Variants in MYO1D observed in about 807,000 individuals in gnomAD.
The protein encoded by MYO1D is unconventional myosin-Id.
In MYO1D, 83 loss-of-function variants were observed where a neutral mutation model predicts 122.0. The observed-to-expected ratio is 0.68, with a 90% CI of 0.57 to 0.82. MYO1D has a LOEUF of 0.82. Ranked by LOEUF, MYO1D falls within the 40% of genes least tolerant of loss-of-function variation. The probability of loss-of-function intolerance (pLI) is 0.00; values close to 1 mark genes in which losing one functional copy is unlikely to be tolerated. For missense variants in MYO1D, 1,157 were observed against 1,269.5 expected (o/e 0.91, Z 1.35); for synonymous variants, 464 against 446.9 (o/e 1.04, Z -0.48).
Position 32,876,250 on chromosome 17 carries a change from G to A in MYO1D, c.95+528C>T, listed in dbSNP as rs776935201. Among the ~76,000 whole-genome samples the A allele has an allele frequency of 1.9e-3, 285 of 151,976 alleles. 2 individuals are homozygous for A. Among genetic ancestry groups the A allele is most frequent in the Non-Finnish European group, 1.7e-3 (114 of 68,002 alleles). ...GGGATCACTCCATAGCATCCTGAAT[G>A]ACAGGATGGAACTACGCCAGGAGGA... On this transcript the variant is annotated intron_variant, in intron 1 of 21. Transcript: ENST00000318217.
chr17:32,576,713 T>C (rs2087281791), intron 21 of MYO1D, among the ~76,000 whole-genome samples: 1 of 152,214 alleles, frequency 6.6e-6, no homozygotes, highest in Non-Finnish European at 1.5e-5. Context: ...TGAAGTGCAG[T>C]GGCATGATCA....
At chr17:32,730,665 T>C (rs1364747775) in intron 14 of MYO1D, among the ~76,000 whole-genome samples, 1 of 152,208 alleles carries the variant, frequency 6.6e-6, no homozygotes, top group Non-Finnish European at 1.5e-5. Flanking sequence ...CTGTCTTTTC[T>C]CTGGCTGCTT....
chr17:32,733,332 G>T (rs2089662080), intron 14 of MYO1D, among the ~76,000 whole-genome samples: 1 of 152,202 alleles, frequency 6.6e-6, no homozygotes, highest in Non-Finnish European at 1.5e-5. Context: ...TTTTTCAGAT[G>T]CCTGGGGCAA....
intron 1 of MYO1D, among the ~76,000 whole-genome samples, chr17:32,845,484 A>T (rs2090927973): frequency 6.6e-6 from 1 of 152,208 alleles, no homozygotes; most frequent in Admixed American, 6.5e-5. Context: ...AAGAGGTTTT[A>T]CAACTACAAT....
At chr17:32,654,805 G>A (rs752431083) in intron 17 of MYO1D, among the ~76,000 whole-genome samples, 184 bp from the exon 18 acceptor site, 8 of 152,038 alleles carry the variant, frequency 5.3e-5, no homozygotes, top group African/African-American at 4.8e-5. Flanking sequence ...AGCCTCCTGG[G>A]TAGCTGGGAT....
Position 32,828,408 on chromosome 17 carries a change from C to T in MYO1D, c.96-47624G>A, listed in dbSNP as rs575158773. Among the ~76,000 whole-genome samples the T allele has an allele frequency of 2.7e-5, 4 of 149,694 alleles. No homozygotes were observed. In the Admixed American group the frequency reaches 2.7e-4, roughly 10 times the overall value. On this transcript the variant is annotated intron_variant, in intron 1 of 21. Coordinates refer to ENST00000318217, the MANE Select transcript of MYO1D (RefSeq NM_015194.3). ...GCAGGTGCCTGTAATCCCAGCTACT[C>T]GGGAGGCTGAGGCAGGAGAATGGCG... is the stretch of plus-strand genomic sequence containing the variant.
chr17:32,795,444 C>CA (rs935122793), intron 1 of MYO1D, among the ~76,000 whole-genome samples: 1 of 151,060 alleles, frequency 6.6e-6, no homozygotes, highest in Non-Finnish European at 1.5e-5. Context: ...CTGAATTCAT[C>CA]ATACCAAGTT....
intron 1 of MYO1D, among the ~76,000 whole-genome samples, chr17:32,813,662 G>C (rs981417916): frequency 6.6e-6 from 1 of 152,218 alleles, no homozygotes; most frequent in Admixed American, 6.5e-5. Context: ...GAAAACTAGA[G>C]AAAAGAGAGG....
At chr17:32,555,470 A>G (rs1221316032) in intron 21 of MYO1D, among the ~76,000 whole-genome samples, 1 of 152,150 alleles carries the variant, frequency 6.6e-6, no homozygotes, top group East Asian at 1.9e-4. Flanking sequence ...GTACTTGTGT[A>G]TATTTTCTAA....
chr17:32,638,871 A>C, intron 19 of MYO1D, 36 bp from the exon 20 acceptor site: 514 of 1,385,990 alleles, frequency 3.7e-4, no homozygotes, highest in Non-Finnish European at 4.8e-4. Flanking sequence ...ATAGTATCTC[A>C]TCAATAAGGA....
intron 1 of MYO1D, among the ~76,000 whole-genome samples, chr17:32,862,194 C>T (rs973468266): frequency 2.0e-5 from 3 of 152,238 alleles, no homozygotes; most frequent in Admixed American, 6.5e-5. Context: ...TACTTGGACA[C>T]GTCATTTCCA....
intron 16 of MYO1D, among the ~76,000 whole-genome samples, chr17:32,680,952 A>G (rs1164354270): frequency 1.3e-5 from 2 of 152,126 alleles, no homozygotes; most frequent in Non-Finnish European, 2.9e-5. Flanking sequence ...CTATTCAGAG[A>G]TTCAACTTCT....
chr17:32,613,503 C>T (rs549231168), intron 20 of MYO1D, among the ~76,000 whole-genome samples: 4 of 152,100 alleles, frequency 2.6e-5, no homozygotes, highest in Non-Finnish European at 5.9e-5. Flanking sequence ...AGGCCAGGTG[C>T]AGTGGCTCAC....
At chr17:32,780,500 A>T in intron 2 of MYO1D, 76 bp downstream of exon 2, 1 of 1,422,814 alleles carries the variant, frequency 7.0e-7, no homozygotes, top group South Asian at 1.2e-5. Flanking sequence ...TATTTAATCA[A>T]TTGTTTGGAT....
intron 21 of MYO1D, chr17:32,529,090 C>T (rs1373632033): frequency 6.6e-6 from 1 of 152,236 alleles, no homozygotes; most frequent in East Asian, 1.9e-4. Flanking sequence ...AAGTGTTGCA[C>T]ATCATTACAT....
intron 1 of MYO1D, among the ~76,000 whole-genome samples, chr17:32,785,439 T>C (rs2090283682): frequency 1.3e-5 from 2 of 152,230 alleles, no homozygotes; most frequent in South Asian, 4.1e-4. Flanking sequence ...ATTTGGCCTG[T>C]CTTCCTTCCT....
At chr17:32,874,197 C>T (rs1205007215) in intron 1 of MYO1D, among the ~76,000 whole-genome samples, 1 of 152,110 alleles carries the variant, frequency 6.6e-6, no homozygotes, top group African/African-American at 2.4e-5. Context: ...AATTACTTGA[C>T]AAATAATCAC....
chr17:32,595,392 T>C (rs1366998149), intron 21 of MYO1D, among the ~76,000 whole-genome samples: 1 of 152,206 alleles, frequency 6.6e-6, no homozygotes, highest in Non-Finnish European at 1.5e-5. Context: ...ATTACCTTGA[T>C]TTGATCATTA....
chr17:32,853,726 G>A (rs867611797), intron 1 of MYO1D, among the ~76,000 whole-genome samples: 1 of 152,112 alleles, frequency 6.6e-6, no homozygotes, highest in South Asian at 2.1e-4. Context: ...GCTCACAAAC[G>A]AACAAAAAGT....
Sources: gnomAD v4.1 joint callset for allele counts (sites outside exome capture counted in the v4.1 genomes callset) on GRCh38, gnomAD v4.1.1 for gene constraint, MANE v1.5 for transcripts, NCBI Gene and HGNC (gene_info 2026-07-23, HGNC 2026-07-21) for gene names.